Variants in SPAG16 observed in about 807,000 individuals in gnomAD.
The protein encoded by SPAG16 is sperm-associated antigen 16 protein.
Under a neutral mutation model 80.4 loss-of-function variants are expected in SPAG16, and 86 were observed. The observed-to-expected ratio is 1.07, with a 90% CI of 0.90 to 1.28. The LOEUF (loss-of-function observed/expected upper bound fraction) is 1.28. Ranked by LOEUF, SPAG16 falls within the 50% of genes most tolerant of loss-of-function variation. SPAG16 has a pLI of 0.00. For missense variants in SPAG16, 870 were observed against 765.3 expected, an observed-to-expected ratio of 1.14 and a Z score of -1.61; for synonymous variants, 294 against 265.9, an observed-to-expected ratio of 1.11 and a Z score of -1.03.
intron 9 of SPAG16, among the ~76,000 whole-genome samples, chr2:213,463,873 C>T (rs1575654649): frequency 1.3e-5 from 2 of 152,204 alleles, no homozygotes; most frequent in East Asian, 3.9e-4. Flanking sequence ...AGCTTCTTCA[C>T]TCCCATAGCT....
At chr2:214,351,775 T>G (rs1382321311) in intron 15 of SPAG16, among the ~76,000 whole-genome samples, 1 of 19,802 alleles carries the variant, frequency 5.0e-5, no homozygotes, top group Non-Finnish European at 6.6e-4. Flanking sequence ...ATTGTATCAA[T>G]TTTTTTTTTA....
intron 12 of SPAG16, among the ~76,000 whole-genome samples, chr2:213,958,838 C>G (rs1282687237): frequency 5.4e-5 from 8 of 149,112 alleles, no homozygotes; most frequent in Non-Finnish European, 7.6e-5. Flanking sequence ...CATATACTTA[C>G]CAGTAATGAA....
chr2:213,643,408 ATAT>A (rs2062697795), intron 10 of SPAG16, among the ~76,000 whole-genome samples: 1 of 61,382 alleles, frequency 1.6e-5, no homozygotes, highest in Non-Finnish European at 3.2e-5. Flanking sequence ...ATATATATAT[ATAT>A]TTTATCTCTT....
chr2:213,510,931 G>T lies in SPAG16; in HGVS notation c.1070+20841G>T, dbSNP rs578180176. The stretch of plus-strand genomic sequence containing the variant: ...TTTAAAACACTTGCTTTTTCATTTT[G>T]TGATGTTTAAACTGCCATATAAGTA... On this transcript the variant is annotated intron_variant, in intron 10 of 15. Coordinates refer to ENST00000331683, the MANE Select transcript of SPAG16 (RefSeq NM_024532.5). Among the ~76,000 whole-genome samples, 4 of 151,906 alleles carry T rather than the reference G, an allele frequency of 2.6e-5. No homozygotes were observed. The East Asian group carries it at 7.7e-4, about 29-fold the overall frequency.
intron 9 of SPAG16, among the ~76,000 whole-genome samples, chr2:213,439,595 T>C (rs1197203065): frequency 6.6e-6 from 1 of 152,214 alleles, no homozygotes; most frequent in Non-Finnish European, 1.5e-5. Context: ...TGTTTTCTTC[T>C]TCCTGCTTAT....
intron 12 of SPAG16, among the ~76,000 whole-genome samples, chr2:213,963,597 A>G (rs1174605919): frequency 2.0e-5 from 3 of 152,124 alleles, no homozygotes; most frequent in African/African-American, 7.2e-5. Context: ...GCTTCTGCCT[A>G]GTTAATTTAT....
intron 10 of SPAG16, among the ~76,000 whole-genome samples, chr2:213,855,945 CA>C (rs35298178): frequency 0.34 from 52,068 of 151,944 alleles, 9,382 homozygotes; most frequent in South Asian, 0.47. Flanking sequence ...AATTTCAAAA[CA>C]CAATCATGTC....
At chr2:213,832,817 T>C (rs1247661607) in intron 10 of SPAG16, among the ~76,000 whole-genome samples, 1 of 152,142 alleles carries the variant, frequency 6.6e-6, no homozygotes, top group Non-Finnish European at 1.5e-5. Flanking sequence ...CCCTCACGTA[T>C]GTAAATCTTC....
rs186377257 is a variant in SPAG16 at position 213,458,282 on chromosome 2, C to A, written c.943-31681C>A. 2.0e-4 allele frequency among the ~76,000 whole-genome samples: 30 copies of A among 152,038 alleles called. No homozygotes were observed. The East Asian group carries it at 5.6e-3, about 28-fold the overall frequency. ...TAAATGATGAAGATTAAAAAAAAATCCTTGGCTGGGTGCAGTGGCTCATGC... is the reference window on the plus strand; with the variant it reads ...TAAATGATGAAGATTAAAAAAAAATACTTGGCTGGGTGCAGTGGCTCATGC... On this transcript the variant is annotated intron_variant, in intron 9 of 15. Coordinates refer to ENST00000331683, the MANE Select transcript of SPAG16 (RefSeq NM_024532.5).
intron 10 of SPAG16, among the ~76,000 whole-genome samples, chr2:213,778,520 T>C (rs940741458): frequency 6.6e-6 from 1 of 152,200 alleles, no homozygotes; most frequent in Non-Finnish European, 1.5e-5. Flanking sequence ...ATCTCTATTA[T>C]ATCTTCATCC....
chr2:213,416,487 G>T (rs1199479375), intron 9 of SPAG16, among the ~76,000 whole-genome samples: 1 of 152,110 alleles, frequency 6.6e-6, no homozygotes, highest in Non-Finnish European at 1.5e-5. Context: ...CCTACTCTTG[G>T]TGGTGTGAAT....
chr2:213,990,699 A>G (rs192881660), intron 12 of SPAG16, among the ~76,000 whole-genome samples: 2 of 152,220 alleles, frequency 1.3e-5, no homozygotes, highest in African/African-American at 4.8e-5. Context: ...GAGGAACAGG[A>G]GGAGATGGTC....
rs147196784 is a variant in SPAG16 at position 214,228,719 on chromosome 2, A to G, written c.1720+79453A>G. On this transcript the variant is annotated intron_variant, in intron 15 of 15. Transcript: ENST00000331683. ...GATTCTGATGAAAAGGTAAAGTTGC[A>G]CAACTACTCTCCTATTGAGCTTTTA... Among the ~76,000 whole-genome samples the G allele has an allele frequency of 4.0e-3, 613 of 152,040 alleles. 1 individual carries two copies. Among genetic ancestry groups the G allele is most frequent in the African/African-American group, 0.013 (558 of 41,544 alleles).
rs539112996 is a variant in SPAG16 at position 214,181,807 on chromosome 2, G to C, written c.1720+32541G>C. ...TTTTTACATTAAAGTGTAAACAATAGGAAAAAGACGATTTGACCTAGTCAA... is the reference window on the plus strand; with the variant it reads ...TTTTTACATTAAAGTGTAAACAATACGAAAAAGACGATTTGACCTAGTCAA... On this transcript the variant is annotated intron_variant, in intron 15 of 15. Coordinates refer to ENST00000331683, the MANE Select transcript of SPAG16 (RefSeq NM_024532.5). Among the ~76,000 whole-genome samples the C allele has an allele frequency of 8.6e-5, 13 of 151,724 alleles. No individual in the cohort carries two copies. The South Asian group carries it at 2.7e-3, about 32-fold the overall frequency.
At chr2:214,021,566 C>T (rs1305827715) in intron 13 of SPAG16, among the ~76,000 whole-genome samples, 1 of 152,126 alleles carries the variant, frequency 6.6e-6, no homozygotes, top group East Asian at 1.9e-4. Context: ...TGCCACAACA[C>T]CTGGGAATTA....
intron 10 of SPAG16, among the ~76,000 whole-genome samples, chr2:213,522,980 T>C (rs1198998604): frequency 6.6e-6 from 1 of 152,126 alleles, no homozygotes; most frequent in Non-Finnish European, 1.5e-5. Context: ...TTAATAACTA[T>C]TAATAGCCCT....
rs148696322 is a variant in SPAG16 at position 213,762,045 on chromosome 2, C to A, written c.1071-100440C>A. ...TTCTTGGAATGCAAGGGTGACTCAACATAGCAAAGTCGATCAATGAAATAC... is the reference window on the plus strand; with the variant it reads ...TTCTTGGAATGCAAGGGTGACTCAAAATAGCAAAGTCGATCAATGAAATAC... On this transcript the variant is annotated intron_variant, in intron 10 of 15. Transcript: ENST00000331683. 3.7e-3 allele frequency among the ~76,000 whole-genome samples: 570 copies of A among 152,240 alleles called. 6 individuals carry two copies. The highest frequency in any genetic ancestry group is 0.013 in the African/African-American group (534 of 41,530).
intron 14 of SPAG16, among the ~76,000 whole-genome samples, chr2:214,133,836 A>G (rs1046475799): frequency 2.0e-5 from 3 of 152,144 alleles, no homozygotes; most frequent in Non-Finnish European, 4.4e-5. Flanking sequence ...TGGGATAAAA[A>G]GCTCTGGTGA....
At chr2:213,375,143 A>G (rs774767269) in intron 9 of SPAG16, 24 bp downstream of exon 9, 14 of 1,481,168 alleles carry the variant, frequency 9.5e-6, no homozygotes, top group Non-Finnish European at 1.3e-5. Context: ...TTTTGTTTGC[A>G]TTAAGTCATA....
Sources: allele counts gnomAD v4.1 joint callset (sites outside exome capture counted in the v4.1 genomes callset), GRCh38; gene constraint gnomAD v4.1.1; transcripts MANE v1.5; gene names NCBI Gene and HGNC (gene_info 2026-07-23, HGNC 2026-07-21).